TMEM132C: variants seen among roughly 807,000 people sequenced by gnomAD.
TMEM132C encodes the protein protein phosphatase 1, regulatory subunit 152.
In TMEM132C, 29 loss-of-function variants were observed where a neutral mutation model predicts 61.4. The ratio of observed to expected loss-of-function variants is 0.47; its 90% CI spans 0.35 to 0.64. The LOEUF is 0.64. Ranked by LOEUF, TMEM132C falls within the 30% of genes least tolerant of loss-of-function variation. TMEM132C has a pLI of 0.00. For synonymous variants in TMEM132C, 656 were observed against 633.1 expected, an observed-to-expected ratio of 1.04 and a Z score of -0.54; for missense variants, 1,408 against 1,476.9, an observed-to-expected ratio of 0.95 and a Z score of 0.76.
chr12:128,529,701 G>C (rs1873216746), intron 2 of TMEM132C, among the ~76,000 whole-genome samples: 1 of 152,154 alleles, frequency 6.6e-6, no homozygotes, highest in Admixed American at 6.5e-5. Flanking sequence ...CAGGAGAATT[G>C]CTTGAACCTG....
chr12:128,318,949 T>C (rs923768277), intron 1 of TMEM132C, among the ~76,000 whole-genome samples: 7 of 152,048 alleles, frequency 4.6e-5, no homozygotes, highest in African/African-American at 1.7e-4. Flanking sequence ...CAAAAACACT[T>C]CCCCCCAGAC....
intron 4 of TMEM132C, among the ~76,000 whole-genome samples, chr12:128,621,648 C>T (rs924289941): frequency 3.3e-5 from 5 of 152,164 alleles, no homozygotes; most frequent in African/African-American, 7.2e-5. Context: ...GGTACTGTTT[C>T]GGGAGCCCTG....
At chr12:128,505,457 T>A (rs1206958245) in intron 2 of TMEM132C, among the ~76,000 whole-genome samples, 3 of 151,984 alleles carry the variant, frequency 2.0e-5, no homozygotes, top group Non-Finnish European at 4.4e-5. Context: ...ATCAAAGGAG[T>A]CTGTGGGGGG....
At chr12:128,305,951 T>C (rs1448480159) in intron 1 of TMEM132C, among the ~76,000 whole-genome samples, 5 of 152,212 alleles carry the variant, frequency 3.3e-5, no homozygotes, top group South Asian at 2.1e-4. Flanking sequence ...AAGGAGTCAG[T>C]AATCCATTTT....
chr12:128,467,263 T>G (rs1870765305), intron 2 of TMEM132C, among the ~76,000 whole-genome samples: 2 of 152,186 alleles, frequency 1.3e-5, no homozygotes, highest in Admixed American at 1.3e-4. Flanking sequence ...AGAGATGCTA[T>G]TGGCACCCAG....
rs548873199 is a variant in TMEM132C, at chr12:128,324,854, A to G, written c.85+57367A>G. ...AAAAAATTTTAAAAAAAATGTTGTG[A>G]GCATTTTCTGACTTCAGAACATGAT... On this transcript the variant is annotated intron_variant, in intron 1 of 8. Transcript: ENST00000435159. 3.9e-5 allele frequency among the ~76,000 whole-genome samples: 6 copies of G among 152,294 alleles called. No individual in the cohort carries two copies. In the East Asian group the frequency reaches 1.2e-3, roughly 29 times the overall value.
At chr12:128,341,835 A>G (rs1428430037) in intron 1 of TMEM132C, among the ~76,000 whole-genome samples, 2 of 152,166 alleles carry the variant, frequency 1.3e-5, no homozygotes, top group Non-Finnish European at 2.9e-5. Flanking sequence ...ATTTTAAATG[A>G]GAAGGAAAGA....
chr12:128,447,602 A>C lies in TMEM132C; in HGVS notation c.974+31982A>C, dbSNP rs147588213. Among the ~76,000 whole-genome samples, 833 of 151,374 alleles carry C rather than the reference A, an allele frequency of 5.5e-3. 5 individuals are homozygous for C. The highest frequency in any genetic ancestry group is 0.019 in the African/African-American group (765 of 41,238). Reference sequence around the variant, plus strand: ...ATACTCCCACTATGATTAATTTCAAATTGCCAACTGGCTCACTGAATTTCT... The same window carrying C: ...ATACTCCCACTATGATTAATTTCAACTTGCCAACTGGCTCACTGAATTTCT... On this transcript the variant is annotated intron_variant, in intron 2 of 8. Transcript: ENST00000435159.
intron 1 of TMEM132C, among the ~76,000 whole-genome samples, chr12:128,342,133 A>T (rs981567807): frequency 6.6e-6 from 1 of 151,796 alleles, no homozygotes; most frequent in Non-Finnish European, 1.5e-5. Context: ...CTCAGCCTCC[A>T]GAGTAGCTGG....
chr12:128,332,653 C>G (rs1339988835), intron 1 of TMEM132C, among the ~76,000 whole-genome samples: 1 of 152,230 alleles, frequency 6.6e-6, no homozygotes, highest in Non-Finnish European at 1.5e-5. Flanking sequence ...CACCCTGATA[C>G]CTGGGAGGAG....
chr12:128,442,993 G>A (rs780961221), intron 2 of TMEM132C, among the ~76,000 whole-genome samples: 10 of 152,234 alleles, frequency 6.6e-5, no homozygotes, highest in South Asian at 2.1e-4. Context: ...GGTCATTGCC[G>A]TCATAGGAGA....
At chr12:128,324,798 A>G (rs1872451286) in intron 1 of TMEM132C, among the ~76,000 whole-genome samples, 1 of 152,170 alleles carries the variant, frequency 6.6e-6, no homozygotes, top group African/African-American at 2.4e-5. Context: ...ACTGCAGCCC[A>G]GCCTGGGTGA....
intron 2 of TMEM132C, among the ~76,000 whole-genome samples, chr12:128,538,151 G>A (rs189307131): frequency 6.0e-4 from 91 of 151,830 alleles, no homozygotes; most frequent in African/African-American, 1.9e-3. Context: ...ATGGAGTCTC[G>A]TTCTTGTTGC....
chr12:128,321,653 G>A (rs189445144), intron 1 of TMEM132C, among the ~76,000 whole-genome samples: 59 of 152,318 alleles, frequency 3.9e-4, no homozygotes, highest in Middle Eastern at 3.4e-3. Context: ...TAAAACTGTG[G>A]ACATCTCAGA....
chr12:128,340,815 CTT>C (rs1306005127), intron 1 of TMEM132C, among the ~76,000 whole-genome samples: 2 of 138,188 alleles, frequency 1.4e-5, no homozygotes, highest in Non-Finnish European at 3.1e-5. Flanking sequence ...TTCTTTCTCT[CTT>C]TCTTTCTGTC....
chr12:128,325,325 T>C (rs1872470471), intron 1 of TMEM132C, among the ~76,000 whole-genome samples: 1 of 152,134 alleles, frequency 6.6e-6, no homozygotes, highest in Non-Finnish European at 1.5e-5. Flanking sequence ...AGTTAAAAAA[T>C]TGGGCCATGA....
At chr12:128,273,981 C>A (rs576071635) in intron 1 of TMEM132C, among the ~76,000 whole-genome samples, 36 of 152,326 alleles carry the variant, frequency 2.4e-4, no homozygotes, top group Non-Finnish European at 5.0e-4. Context: ...TTCTGATGTT[C>A]TTAAAACCAG....
chr12:128,550,169 G>A (rs976082481), intron 3 of TMEM132C, among the ~76,000 whole-genome samples: 5 of 152,194 alleles, frequency 3.3e-5, no homozygotes, highest in Non-Finnish European at 7.3e-5. Flanking sequence ...TGGAAAGTCC[G>A]AGGTCAGGGT....
Position 128,706,063 on chromosome 12 carries a change from G to A in TMEM132C, c.3095G>A (p.Gly1032Glu). 6.4e-7 allele frequency: 1 copy of A among 1,551,706 alleles called. No individual in the cohort carries two copies. The highest frequency in any genetic ancestry group is 8.7e-7 in the Non-Finnish European group (1 of 1,146,992). ...QSQIHRSADS[G>E]GRQGREQKQD... ...CAGATTCACAGGTCAGCCGACTCCG[G>A]GGGGCGGCAGGGCAGAGAACAGAAG... Residue 1032 changes from glycine to glutamate, a missense_variant, in exon 9 of 9, where the codon GGG (glycine) becomes GAG (glutamate). Transcript: ENST00000435159.
Sources: allele counts gnomAD v4.1 joint callset (sites outside exome capture counted in the v4.1 genomes callset), GRCh38; gene constraint gnomAD v4.1.1; transcripts MANE v1.5; gene names NCBI Gene and HGNC (gene_info 2026-07-23, HGNC 2026-07-21).